The following SAMD11 variants were observed in gnomAD, a reference collection of about 807,000 sequenced individuals.
SAMD11 encodes the protein sterile alpha motif domain containing 11.
Under a neutral mutation model 64.4 loss-of-function variants are expected in SAMD11, and 77 were observed. The observed-to-expected ratio is 1.20, with a 90% CI of 0.99 to 1.44. The LOEUF is 1.44. SAMD11 is among the 40% of genes most tolerant of loss of function. The pLI is 0.00. For missense variants in SAMD11, 1,402 were observed against 943.3 expected (o/e 1.49, Z -6.37); for synonymous variants, 658 against 421.9 (o/e 1.56, Z -6.86).
Position 932,340 on chromosome 1 carries a change from C to T in SAMD11, c.842+1251C>T, listed in dbSNP as rs76193915. On this transcript the variant is annotated intron_variant, in intron 4 of 13. Transcript: ENST00000616016. ...CTGCCTGGCCTCGGGAATGCAGCGT[C>T]CCTCGGCAGCACTGACGGCAGACAG... Among the ~76,000 whole-genome samples, 57 of 152,316 alleles carry T rather than the reference C, an allele frequency of 3.7e-4. No individual in the cohort carries two copies. The East Asian group carries it at 6.2e-3, about 16-fold the overall frequency.
chr1:940,298 C>CCCCCCG (rs1553159943), intron 7 of SAMD11: 1 of 9,786 alleles, frequency 1.0e-4, no homozygotes, highest in Non-Finnish European at 3.1e-4. Context: ...GCGCCGCCGC[C>CCCCCCG]CCCCCCCCCC....
At chr1:937,819 A>C (rs1283974002) in intron 5 of SAMD11, among the ~76,000 whole-genome samples, 1 of 152,244 alleles carries the variant, frequency 6.6e-6, no homozygotes, top group Non-Finnish European at 1.5e-5. Context: ...AGGATCAATA[A>C]GTTATTAGCA....
Position 943,319 on chromosome 1 carries a change from C to A in SAMD11, c.2120C>A (p.Thr707Asn). The change falls in exon 12 of 14, where the codon ACC (threonine) becomes AAC (asparagine). Residue 707 changes from threonine to asparagine, a missense_variant. Transcript: ENST00000616016. ...APAPEDVTKWTVDDVCSFVGG... is the reference protein window; with the variant it reads ...APAPEDVTKWNVDDVCSFVGG... The stretch of plus-strand genomic sequence containing the variant: ...GCCCCTGAGGACGTCACCAAGTGGA[C>A]CGTGGATGACGTCTGCAGCTTCGTG... The A allele has an allele frequency of 1.2e-6, 2 of 1,610,942 alleles. No homozygotes were observed. The highest frequency in any genetic ancestry group is 2.2e-5 in the East Asian group (1 of 44,762).
chr1:929,403 G>C (rs527402299), intron 2 of SAMD11, among the ~76,000 whole-genome samples: 1 of 152,230 alleles, frequency 6.6e-6, no homozygotes, highest in Admixed American at 6.5e-5. Flanking sequence ...AGGGCTCCTC[G>C]TCTGGTGACC....
intron 7 of SAMD11, chr1:940,443 G>A (rs2100348638): frequency 6.6e-6 from 1 of 152,204 alleles, no homozygotes; most frequent in East Asian, 2.0e-4. Context: ...GCCCGGGGCG[G>A]GACCCACCTC....
chr1:932,689 G>A (rs1641226728), intron 4 of SAMD11, among the ~76,000 whole-genome samples: 2 of 152,214 alleles, frequency 1.3e-5, no homozygotes, highest in African/African-American at 4.8e-5. Flanking sequence ...ACCTCCATCT[G>A]TGTGTTCATT....
In SAMD11 at chr1:943,328, A is replaced by G; in HGVS notation, c.2129A>G (p.Asp710Gly). ...PEDVTKWTVD[D>G]VCSFVGGLSG... ...GACGTCACCAAGTGGACCGTGGATG[A>G]CGTCTGCAGCTTCGTGGGGGGCCTG... Residue 710 changes from aspartate to glycine, a missense_variant, in exon 12 of 14, where the codon GAC (aspartate) becomes GGC (glycine). Physicochemically the swap from Asp to Gly is moderately conservative, Grantham distance 94. Transcript: ENST00000616016. The G allele has an allele frequency of 6.2e-7, 1 of 1,607,770 alleles. No individual in the cohort carries two copies. The highest frequency in any genetic ancestry group is 8.5e-7 in the Non-Finnish European group (1 of 1,177,086).
Position 944,303 on chromosome 1 carries a change from A to G in SAMD11, c.*150A>G. 2 of 1,392,700 alleles carry G rather than the reference A, an allele frequency of 1.4e-6. No individual in the cohort carries two copies. Among genetic ancestry groups the G allele is most frequent in the Non-Finnish European group, 1.9e-6 (2 of 1,078,638 alleles). 86.3% of individuals were successfully genotyped at this position (1,392,700 alleles called of 1,614,324 possible). Reference sequence around the variant, plus strand: ...ATGTGACTTCAAAGGAAAGGAACAAATTTTCAAAGACTTGGGGGAGTGAAG... The same window carrying G: ...ATGTGACTTCAAAGGAAAGGAACAAGTTTTCAAAGACTTGGGGGAGTGAAG... On this transcript the variant is annotated 3_prime_UTR_variant, in exon 14 of 14. Coordinates refer to ENST00000616016, the MANE Select transcript of SAMD11 (RefSeq NM_001385641.1).
chr1:935,584 G>C (rs1263630394), intron 4 of SAMD11, among the ~76,000 whole-genome samples, 188 bp from the exon 5 acceptor site: 1 of 152,218 alleles, frequency 6.6e-6, no homozygotes, highest in Non-Finnish European at 1.5e-5. Flanking sequence ...GTGTCGCTTT[G>C]ACTCGGGTGC....
intron 11 of SAMD11, 25 bp from the exon 12 acceptor site, chr1:943,228 C>A (rs754929495): frequency 1.2e-6 from 2 of 1,612,318 alleles, no homozygotes; most frequent in Non-Finnish European, 1.7e-6. Context: ...CAGCCAGAGC[C>A]CTAGTAACAC....
rs1641853044 is a variant in SAMD11, at chr1:942,595, G to A, written c.1590G>A (p.Glu530=). 1 of 1,434,558 alleles carries A rather than the reference G, an allele frequency of 7.0e-7. No individual in the cohort carries two copies. The highest frequency in any genetic ancestry group is 9.1e-7 in the Non-Finnish European group (1 of 1,101,844). 88.9% of individuals were successfully genotyped at this position (1,434,558 alleles called of 1,614,324 possible). A position where few individuals can be genotyped will look rare whatever the true frequency, so the allele number is the denominator to read the frequency against. Residue 530 remains glutamate (E), a synonymous_variant, in exon 11 of 14, where the codon GAG becomes GAA. Transcript: ENST00000616016. ...CCGCCGACCTCCTGCGGCAGAAGGA[G>A]CTGGAGAGCGCGCGCCCACAGCTGC... is the stretch of plus-strand genomic sequence containing the variant. ...ELPADLLRQK[E]LESARPQLLA...
At chr1:941,708 G>C (rs1434689834) in intron 8 of SAMD11, among the ~76,000 whole-genome samples, 1 of 152,100 alleles carries the variant, frequency 6.6e-6, no homozygotes, top group Admixed American at 6.5e-5. Context: ...CGGGTTTCTC[G>C]GGTCCAGGAC....
At chr1:936,536 A>G (rs972306767) in intron 5 of SAMD11, among the ~76,000 whole-genome samples, 1 of 152,116 alleles carries the variant, frequency 6.6e-6, no homozygotes. Flanking sequence ...TGGGGGGACC[A>G]GGCCCCCCTC....
chr1:943,713 G>C lies in SAMD11; in HGVS notation c.2194G>C (p.Gly732Arg), dbSNP rs1232737833. 6.3e-7 allele frequency: 1 copy of C among 1,589,820 alleles called. No homozygotes were observed. The highest frequency in any genetic ancestry group is 2.2e-5 in the East Asian group (1 of 44,498). Residue 732 changes from glycine (G) to arginine (R), a missense_variant, in exon 13 of 14, where the codon GGG becomes CGG. Transcript: ENST00000616016. ...CCCCTTCCAGGTCTTCAGGGAGCAG[G>C]GGATCGACGGGGAGACCCTGCCACT... ...GEYTRVFREQ[G>R]IDGETLPLLT...
intron 8 of SAMD11, among the ~76,000 whole-genome samples, chr1:941,689 G>C (rs914192951): frequency 1.3e-5 from 2 of 152,088 alleles, no homozygotes; most frequent in Non-Finnish European, 2.9e-5. Flanking sequence ...AAGGCCTCCG[G>C]CACAGACCCG....
chr1:935,340 G>A (rs1207590871), intron 4 of SAMD11, among the ~76,000 whole-genome samples: 1 of 152,118 alleles, frequency 6.6e-6, no homozygotes, highest in Non-Finnish European at 1.5e-5. Flanking sequence ...AGAAATCGGG[G>A]GTCAGGGGAT....
rs144490434 is a variant in SAMD11 at position 935,833 on chromosome 1, C to G, written c.904C>G (p.Pro302Ala). The G allele has an allele frequency of 5.6e-5, 91 of 1,613,286 alleles. No homozygotes were observed. The highest frequency in any genetic ancestry group is 6.6e-5 in the Non-Finnish European group (78 of 1,179,876). ...CCACCGCAGCCGCCACCTCGTTATG[C>G]CCGAGCATCAGAGCCGCTGTGAATT... ...SVHRSRHLVM[P>A]EHQSRCEFQR... Residue 302 changes from proline to alanine, a missense_variant, in exon 5 of 14, where the codon CCC (proline) becomes GCC (alanine). Pro to Ala is a conservative substitution (Grantham distance 27, BLOSUM62 -1). Coordinates refer to ENST00000616016, the MANE Select transcript of SAMD11 (RefSeq NM_001385641.1).
chr1:925,856 C>T (rs779024986), intron 1 of SAMD11, 66 bp from the exon 2 acceptor site: 6 of 1,190,424 alleles, frequency 5.0e-6, no homozygotes, highest in African/African-American at 3.0e-5. Flanking sequence ...GGGTACTGGC[C>T]CTGCCGCTGA....
At chr1:937,404 C>T (rs866847103) in intron 5 of SAMD11, among the ~76,000 whole-genome samples, 5 of 150,396 alleles carry the variant, frequency 3.3e-5, no homozygotes, top group Non-Finnish European at 7.4e-5. Flanking sequence ...CTGCCCCCCC[C>T]CCCACCCAGT....
Sources: allele counts gnomAD v4.1 joint callset (sites outside exome capture counted in the v4.1 genomes callset), GRCh38; gene constraint gnomAD v4.1.1; transcripts MANE v1.5; gene names NCBI Gene and HGNC (gene_info 2026-07-23, HGNC 2026-07-21).